Variants in SGPP2 observed in about 807,000 individuals in gnomAD.
SGPP2 encodes the protein sphingosine-1-phosphate phosphatase 2, also known as sphingosine 1-phosphate phosphohydrolase 2.
SGPP2 carries 30 observed loss-of-function variants against 33.9 expected under a neutral mutation model. That is an observed-to-expected ratio of 0.89 (90% CI 0.66 to 1.20). The LOEUF is 1.20. Ranked by LOEUF, SGPP2 falls within the 50% of genes most tolerant of loss-of-function variation. SGPP2 has a pLI of 0.00. For synonymous variants in SGPP2, 233 were observed against 225.0 expected (o/e 1.04, Z -0.32); for missense variants, 458 against 532.1 (o/e 0.86, Z 1.37).
At chr2:222,455,321 A>T (rs182083761) in intron 1 of SGPP2, among the ~76,000 whole-genome samples, 18 of 152,314 alleles carry the variant, frequency 1.2e-4, no homozygotes, top group Middle Eastern at 3.4e-3. Flanking sequence ...TTGAGAAGGC[A>T]TCTCTGAACG....
chr2:222,424,656 G>C lies in SGPP2; in HGVS notation c.54G>C (p.Gln18His). 1 of 1,436,256 alleles carries C rather than the reference G, an allele frequency of 7.0e-7. No individual in the cohort carries two copies. Among genetic ancestry groups the C allele is most frequent in the South Asian group, 1.4e-5 (1 of 73,490 alleles). 89.0% of individuals were successfully genotyped at this position (1,436,256 alleles called of 1,614,324 possible). ...LQDSQLVARF[Q>H]RRCGLFPAPD... ...ATTCCCAGCTCGTCGCCCGCTTCCA[G>C]CGCCGCTGCGGGCTCTTCCCCGCTC... is the stretch of plus-strand genomic sequence containing the variant. Residue 18 changes from glutamine (Q) to histidine (H), a missense_variant, in exon 1 of 5, where the codon CAG becomes CAC. Coordinates refer to ENST00000321276, the MANE Select transcript of SGPP2 (RefSeq NM_152386.4).
chr2:222,471,673 C>T (rs6715840), intron 1 of SGPP2, among the ~76,000 whole-genome samples: 10,141 of 152,156 alleles, frequency 0.067, 525 homozygotes, highest in Non-Finnish European at 0.095. Flanking sequence ...TGAAATCCCC[C>T]GGGATTCCAG....
chr2:222,553,973 G>T (rs1689343901), intron 4 of SGPP2, among the ~76,000 whole-genome samples: 1 of 152,094 alleles, frequency 6.6e-6, no homozygotes, highest in Admixed American at 6.5e-5. Flanking sequence ...GAGCTTCAGG[G>T]GTGAGATTTT....
chr2:222,537,389 GC>G (rs1221829407), intron 4 of SGPP2, among the ~76,000 whole-genome samples: 1 of 152,040 alleles, frequency 6.6e-6, no homozygotes, highest in Non-Finnish European at 1.5e-5. Flanking sequence ...ATGAGCAAAA[GC>G]CCAGCATTCC....
At chr2:222,502,503 A>G (rs909234174) in intron 2 of SGPP2, among the ~76,000 whole-genome samples, 9 of 152,248 alleles carry the variant, frequency 5.9e-5, no homozygotes, top group African/African-American at 2.2e-4. Context: ...CTGAAAATCT[A>G]AAATGTGAAG....
At chr2:222,513,315 T>C (rs1190115641) in intron 2 of SGPP2, among the ~76,000 whole-genome samples, 1 of 152,222 alleles carries the variant, frequency 6.6e-6, no homozygotes, top group African/African-American at 2.4e-5. Flanking sequence ...TCTTAAAGCA[T>C]GATGATTCCA....
chr2:222,526,273 A>G (rs971413165), intron 4 of SGPP2, among the ~76,000 whole-genome samples: 1 of 152,246 alleles, frequency 6.6e-6, no homozygotes, highest in African/African-American at 2.4e-5. Flanking sequence ...GCTGTGCCTC[A>G]GCTGCTTCAC....
chr2:222,481,827 A>AT (rs1169285649), intron 2 of SGPP2, among the ~76,000 whole-genome samples: 2 of 152,012 alleles, frequency 1.3e-5, no homozygotes, highest in Admixed American at 6.5e-5. Context: ...TTTCTTCTTG[A>AT]TTTTTTTCCC....
intron 4 of SGPP2, among the ~76,000 whole-genome samples, chr2:222,541,563 C>G (rs972207645): frequency 6.6e-6 from 1 of 151,510 alleles, no homozygotes; most frequent in Non-Finnish European, 1.5e-5. Context: ...AATGTGCATC[C>G]CCACTTTTTT....
rs1434681209 is a variant in SGPP2, at chr2:222,476,913, GTA to G, written c.378+2193_378+2194del. 5.3e-5 allele frequency among the ~76,000 whole-genome samples: 8 copies of G among 151,372 alleles called. No homozygotes were observed. The highest frequency in any genetic ancestry group is 1.9e-4 in the African/African-American group (8 of 41,088). On this transcript the variant is annotated intron_variant, in intron 2 of 4. Transcript: ENST00000321276. This position sits in a 1 kb window ranked among gnomAD's most constrained non-coding sequence, Gnocchi z 4.3. ...GTGTTTATTGTATGTATATAGATGT[GTA>G]TATATGTGTATTGGAGTATATAGGT...
Position 222,476,927 on chromosome 2 carries a change from T to A in SGPP2, c.378+2201T>A, listed in dbSNP as rs1178540881. ...TATATAGATGTGTATATATGTGTAT[T>A]GGAGTATATAGGTGTGTATGTATGT... On this transcript the variant is annotated intron_variant, in intron 2 of 4. Transcript: ENST00000321276. The surrounding 1 kb of genome is among the most constrained non-coding windows in gnomAD (Gnocchi z 4.3). 6.6e-6 allele frequency among the ~76,000 whole-genome samples: 1 copy of A among 151,670 alleles called. No individual in the cohort carries two copies. The highest frequency in any genetic ancestry group is 1.5e-5 in the Non-Finnish European group (1 of 67,904).
chr2:222,541,421 G>A (rs1698994800), intron 4 of SGPP2, among the ~76,000 whole-genome samples: 1 of 152,078 alleles, frequency 6.6e-6, no homozygotes, highest in African/African-American at 2.4e-5. Context: ...GGAGAAGAAA[G>A]TTCTACAGTT....
chr2:222,444,406 G>A (rs541265000), intron 1 of SGPP2, among the ~76,000 whole-genome samples: 52 of 152,190 alleles, frequency 3.4e-4, no homozygotes, highest in Non-Finnish European at 7.1e-4. Flanking sequence ...TTTCATCTAC[G>A]CTTACTGAGT....
chr2:222,541,135 T>C (rs1191395651), intron 4 of SGPP2, among the ~76,000 whole-genome samples: 1 of 152,130 alleles, frequency 6.6e-6, no homozygotes, highest in Non-Finnish European at 1.5e-5. Context: ...AACTTTGACT[T>C]GTAAAAAATG....
At chr2:222,453,295 A>T (rs1160357632) in intron 1 of SGPP2, among the ~76,000 whole-genome samples, 5 of 152,214 alleles carry the variant, frequency 3.3e-5, no homozygotes, top group African/African-American at 1.2e-4. Flanking sequence ...ATTCACACTC[A>T]TGTTATTACT....
chr2:222,462,274 T>C (rs971288100), intron 1 of SGPP2, among the ~76,000 whole-genome samples: 4 of 152,096 alleles, frequency 2.6e-5, no homozygotes, highest in Admixed American at 2.6e-4. Context: ...TCCATGGGAA[T>C]GGGGTCTCCA....
intron 1 of SGPP2, among the ~76,000 whole-genome samples, chr2:222,467,104 T>C (rs1444955434): frequency 6.6e-6 from 1 of 152,192 alleles, no homozygotes; most frequent in Non-Finnish European, 1.5e-5. Flanking sequence ...GAAAGACCCT[T>C]CACTGGGGTG....
In SGPP2 at chr2:222,424,596, G is replaced by C; in HGVS notation, c.-7G>C. On this transcript the variant is annotated 5_prime_UTR_variant, in exon 1 of 5. Transcript: ENST00000321276. ...CAGCGGCGGCGGAGCGCGGCCCCGG[G>C]CACACCATGGCCGAGCTGCTGCGGA... 7.8e-7 allele frequency: 1 copy of C among 1,278,698 alleles called. No homozygotes were observed. The highest frequency in any genetic ancestry group is 9.9e-7 in the Non-Finnish European group (1 of 1,008,078). 79.2% of individuals were successfully genotyped at this position (1,278,698 alleles called of 1,614,324 possible). A position where few individuals can be genotyped will look rare whatever the true frequency, so the allele number is the denominator to read the frequency against.
chr2:222,532,164 C>T (rs908431408), intron 4 of SGPP2, among the ~76,000 whole-genome samples: 3 of 152,082 alleles, frequency 2.0e-5, no homozygotes, highest in Non-Finnish European at 2.9e-5. Flanking sequence ...ATCCCAGCTA[C>T]TTGGGAGGCT....
Sources: gnomAD v4.1 joint callset for allele counts (sites outside exome capture counted in the v4.1 genomes callset) on GRCh38, gnomAD v4.1.1 for gene constraint, Gnocchi (gnomAD v3.1) non-coding constraint, MANE v1.5 for transcripts, NCBI Gene and HGNC (gene_info 2026-07-23, HGNC 2026-07-21) for gene names.